HEPH: variants seen among roughly 807,000 people sequenced by gnomAD.
HEPH encodes hephaestin.
In HEPH, 69 loss-of-function variants were observed where a neutral mutation model predicts 80.8. The ratio of observed to expected loss-of-function variants is 0.85; its 90% CI spans 0.70 to 1.04. HEPH has a LOEUF of 1.04. Among genes scored for constraint, HEPH ranks in the 50% least tolerant of loss-of-function variants. The probability of loss-of-function intolerance (pLI) is 0.00; values close to 1 mark genes in which losing one functional copy is unlikely to be tolerated. For synonymous variants in HEPH, 431 were observed against 322.8 expected, an observed-to-expected ratio of 1.34 and a Z score of -3.60; for missense variants, 1,115 against 891.3, an observed-to-expected ratio of 1.25 and a Z score of -3.20.
At chrX:66,234,207 C>A (rs755576936) in intron 15 of HEPH, among the ~76,000 whole-genome samples, 7 of 111,133 alleles carry the variant, frequency 6.3e-5, no homozygotes, top group Non-Finnish European at 1.3e-4. Flanking sequence ...TAATGGCCTC[C>A]AGCTCCATCT....
At chrX:66,232,304 G>T (rs975325873) in intron 15 of HEPH, among the ~76,000 whole-genome samples, 1 of 111,100 alleles carries the variant, frequency 9.0e-6, no homozygotes, top group Non-Finnish European at 1.9e-5. Flanking sequence ...AAATGAGTTA[G>T]GGAGGATTCC....
chrX:66,262,130 T>C (rs770394843), intron 19 of HEPH, among the ~76,000 whole-genome samples: 3 of 112,098 alleles, frequency 2.7e-5, no homozygotes, highest in African/African-American at 6.5e-5. Flanking sequence ...TATGGCCTAA[T>C]TTCATATTGT....
Position 66,260,221 on chromosome X carries a change from A to G in HEPH, c.3158A>G (p.His1053Arg), listed in dbSNP as rs199716543. Residue 1053 changes from histidine (H) to arginine (R), a missense_variant, in exon 19 of 21, where the codon CAT becomes CGT. By Grantham distance (29) the His-to-Arg change is conservative. Around this residue, in one of 3 missense-constraint regions of HEPH, gnomAD observed 716 missense variants for 523.5 expected, o/e 1.37. Transcript: ENST00000343002. ...CACTGCCATGTGACTGACCATGTCCATGCTGGCATGGAGACCCTCTTCACT... is the reference window on the plus strand; with the variant it reads ...CACTGCCATGTGACTGACCATGTCCGTGCTGGCATGGAGACCCTCTTCACT... ...LMHCHVTDHV[H>R]AGMETLFTVF... 2 of 1,207,166 alleles carry G rather than the reference A, an allele frequency of 1.7e-6. No homozygotes were observed. Among genetic ancestry groups the G allele is most frequent in the African/African-American group, 3.5e-5 (2 of 56,821 alleles).
At chrX:66,216,656 C>A (rs763107915) in intron 15 of HEPH, among the ~76,000 whole-genome samples, 5 of 111,676 alleles carry the variant, frequency 4.5e-5, no homozygotes, top group South Asian at 7.5e-4. Flanking sequence ...TATGACAAAA[C>A]AAATTATTTA....
At chrX:66,235,970 C>A (rs924362100) in intron 15 of HEPH, among the ~76,000 whole-genome samples, 2 of 112,062 alleles carry the variant, frequency 1.8e-5, no homozygotes, top group Admixed American at 1.9e-4. Context: ...TTTCCTGAGA[C>A]TTTGCTGAAG....
chrX:66,261,412 C>T (rs1307359229), intron 19 of HEPH, among the ~76,000 whole-genome samples: 1 of 111,162 alleles, frequency 9.0e-6, no homozygotes, highest in Non-Finnish European at 1.9e-5. Flanking sequence ...GCTTTTGTGT[C>T]TTTGAGTAAT....
chrX:66,178,891 A>G (rs1240123913), intron 4 of HEPH, among the ~76,000 whole-genome samples: 1 of 111,571 alleles, frequency 9.0e-6, no homozygotes, highest in Non-Finnish European at 1.9e-5. Flanking sequence ...CCCATTCTGT[A>G]GGTTGCATGT....
chrX:66,192,050 T>G, intron 6 of HEPH, 80 bp from the exon 7 acceptor site: 1 of 1,000,464 alleles, frequency 1.0e-6, no homozygotes. Context: ...GAGGAAACAC[T>G]AACAGAAGGA....
intron 15 of HEPH, among the ~76,000 whole-genome samples, chrX:66,218,347 C>T (rs1355564492): frequency 8.9e-6 from 1 of 111,930 alleles, no homozygotes; most frequent in African/African-American, 3.2e-5. Context: ...AAAATACTCT[C>T]TCTGACCACA....
chrX:66,198,188 C>A (rs1427613622), intron 10 of HEPH, among the ~76,000 whole-genome samples: 1 of 106,564 alleles, frequency 9.4e-6, no homozygotes, highest in African/African-American at 3.5e-5. Context: ...CCCTCTCCCC[C>A]TCTCCCTTTC....
At chrX:66,222,523 A>G (rs1383855040) in intron 15 of HEPH, among the ~76,000 whole-genome samples, 1 of 112,080 alleles carries the variant, frequency 8.9e-6, no homozygotes, top group Non-Finnish European at 1.9e-5. Context: ...TAAGTCTTTA[A>G]CTTCTATGAT....
intron 15 of HEPH, among the ~76,000 whole-genome samples, chrX:66,216,994 A>T (rs1226644791): frequency 9.0e-6 from 1 of 111,371 alleles, no homozygotes; most frequent in Non-Finnish European, 1.9e-5. Flanking sequence ...ACCAAGAAAA[A>T]ATAATTTTAA....
At position 66,227,259 on chromosome X, in the gene HEPH, G is replaced by A. The variant is rs768712265; in HGVS notation, c.2563+19013G>A. Among the ~76,000 whole-genome samples, 82 of 111,370 alleles carry A rather than the reference G, an allele frequency of 7.4e-4. No individual in the cohort carries two copies. In the South Asian group the frequency reaches 8.4e-3, roughly 11 times the overall value. ...CCTCAGTAAAATCGGCATAGAAGGC[G>A]CATACCTTAAGGTATGACAGGCCAT... is the stretch of plus-strand genomic sequence containing the variant. On this transcript the variant is annotated intron_variant, in intron 15 of 20. Coordinates refer to ENST00000343002, the MANE Select transcript of HEPH (RefSeq NM_001367233.3).
intron 2 of HEPH, 104 bp from the exon 3 acceptor site, chrX:66,172,251 C>T (rs1300016283): frequency 1.2e-5 from 9 of 776,160 alleles, no homozygotes; most frequent in East Asian, 3.4e-5. Context: ...CTTGTTTTGT[C>T]CTAAACAAAG....
intron 4 of HEPH, among the ~76,000 whole-genome samples, chrX:66,188,061 G>A (rs1330972033): frequency 1.8e-5 from 2 of 111,070 alleles, no homozygotes; most frequent in Admixed American, 1.9e-4. Flanking sequence ...GAAGACCAGA[G>A]GGTGGCAGGA....
At chrX:66,255,492 C>G (rs1288552237) in intron 16 of HEPH, among the ~76,000 whole-genome samples, 1 of 111,597 alleles carries the variant, frequency 9.0e-6, no homozygotes, top group Admixed American at 9.5e-5. Flanking sequence ...TTATAGCATG[C>G]TTTTAGAGTG....
chrX:66,238,819 G>A, intron 15 of HEPH, among the ~76,000 whole-genome samples: 1 of 112,400 alleles, frequency 8.9e-6, no homozygotes, highest in East Asian at 2.8e-4. Flanking sequence ...CAACAAGCCA[G>A]TCATTAGCAT....
chrX:66,207,147 T>A (rs752087641), intron 13 of HEPH, 48 bp from the exon 14 acceptor site: 1 of 1,118,344 alleles, frequency 8.9e-7, no homozygotes, highest in South Asian at 2.0e-5. Flanking sequence ...CAAATGAAAA[T>A]GAGGGGTTGA....
At chrX:66,168,224 T>C (rs2086454843) in intron 1 of HEPH, among the ~76,000 whole-genome samples, 1 of 111,883 alleles carries the variant, frequency 8.9e-6, no homozygotes, top group Non-Finnish European at 1.9e-5. Context: ...AGTATTCAAA[T>C]TAACCCTTGG....
Sources: allele counts gnomAD v4.1 joint callset (sites outside exome capture counted in the v4.1 genomes callset), GRCh38; gene constraint gnomAD v4.1.1; regional missense constraint gnomAD v4.1.1; transcripts MANE v1.5; gene names NCBI Gene and HGNC (gene_info 2026-07-23, HGNC 2026-07-21).